The following GAS6 variants were observed in gnomAD, a reference collection of about 807,000 sequenced individuals.
The protein encoded by GAS6 is growth arrest specific 6, also known as growth arrest-specific protein 6.
A neutral mutation model predicts 75.8 loss-of-function variants in GAS6; 41 were observed. The observed-to-expected ratio is 0.54, with a 90% CI of 0.42 to 0.70. The LOEUF is 0.70. Among genes scored for constraint, GAS6 ranks in the 30% least tolerant of loss-of-function variants. The pLI, the probability that GAS6 is intolerant of heterozygous loss-of-function variation, is 0.00. For missense variants in GAS6, 854 were observed against 940.2 expected (o/e 0.91, Z 1.20); for synonymous variants, 432 against 412.6 (o/e 1.05, Z -0.57).
At chr13:113,836,724 GGGAAT>G (rs1280630578) in intron 6 of GAS6, among the ~76,000 whole-genome samples, 2 of 15,902 alleles carry the variant, frequency 1.3e-4, no homozygotes. Context: ...GGAAGAAGAG[GGGAAT>G]GAGGAGGAGG....
chr13:113,858,665 G>C (rs545631644), intron 2 of GAS6, among the ~76,000 whole-genome samples: 3 of 133,430 alleles, frequency 2.2e-5, no homozygotes, highest in South Asian at 2.7e-4. Flanking sequence ...GTACATGTCT[G>C]TGTGTGCCTA....
chr13:113,861,775 G>A (rs140074383), intron 2 of GAS6, among the ~76,000 whole-genome samples: 8 of 152,326 alleles, frequency 5.3e-5, no homozygotes, highest in Middle Eastern at 3.4e-3. Flanking sequence ...AACAGAAACA[G>A]ACAGCAAGCT....
chr13:113,824,011 C>T (rs73583237), intron 12 of GAS6, among the ~76,000 whole-genome samples: 18,780 of 145,168 alleles, frequency 0.13, 2,163 homozygotes, highest in African/African-American at 0.35. Context: ...AGATAGCATG[C>T]GGACAGGAGC....
At chr13:113,860,978 G>A (rs1325057994) in intron 2 of GAS6, among the ~76,000 whole-genome samples, 1 of 151,500 alleles carries the variant, frequency 6.6e-6, no homozygotes, top group Non-Finnish European at 1.5e-5. Flanking sequence ...AGGTGAGCAG[G>A]TGGCCAGGTG....
At chr13:113,859,332 CATT>C (rs141607381) in intron 2 of GAS6, among the ~76,000 whole-genome samples, 27,798 of 144,032 alleles carry the variant, frequency 0.19, 2,719 homozygotes, top group South Asian at 0.39. Context: ...GTGTGCATGT[CATT>C]ATGCATGTGT....
intron 4 of GAS6, chr13:113,841,616 T>C (rs1392084028): frequency 1.3e-5 from 2 of 158,042 alleles, no homozygotes; most frequent in Non-Finnish European, 2.6e-5. Context: ...CCCAGTTTCC[T>C]CCATACACCC....
Position 113,821,967 on chromosome 13 carries a change from C to T in GAS6, c.1873G>A (p.Gly625Ser), listed in dbSNP as rs1594185823. The T allele has an allele frequency of 1.3e-6, 2 of 1,533,238 alleles. No individual in the cohort carries two copies. Among genetic ancestry groups the T allele is most frequent in the Non-Finnish European group, 1.8e-6 (2 of 1,141,900 alleles). 95.0% of individuals were successfully genotyped at this position (1,533,238 alleles called of 1,614,324 possible). A position where few individuals can be genotyped will look rare whatever the true frequency, so the allele number is the denominator to read the frequency against. Reference sequence around the variant, plus strand: ...AGCAGGGAGCACCTACCTGGCAGGCCGCCAGCAAAGGTGAGCACGGGGCTC... The same window carrying T: ...AGCAGGGAGCACCTACCTGGCAGGCTGCCAGCAAAGGTGAGCACGGGGCTC... ...LRSPVLTFAG[G>S]LPDVPVTSAP... Residue 625 changes from glycine (G) to serine (S), a missense_variant, in exon 14 of 15, where the codon GGC becomes AGC. Physicochemically the swap from Gly to Ser is moderately conservative, Grantham distance 56. Transcript: ENST00000327773.
chr13:113,853,633 A>G (rs1490015398), intron 2 of GAS6, among the ~76,000 whole-genome samples: 1 of 152,240 alleles, frequency 6.6e-6, no homozygotes, highest in African/African-American at 2.4e-5. Flanking sequence ...CTGTTTATCA[A>G]CACCATAACT....
chr13:113,852,970 G>C (rs113880833), intron 2 of GAS6, among the ~76,000 whole-genome samples: 16 of 152,306 alleles, frequency 1.1e-4, no homozygotes, highest in African/African-American at 3.1e-4. Flanking sequence ...AGCACGTGAA[G>C]AGACCCTCCA....
At position 113,837,390 on chromosome 13, in the gene GAS6, G is replaced by A. The variant is rs190450842; in HGVS notation, c.589+679C>T. Among the ~76,000 whole-genome samples, 17 of 152,230 alleles carry A rather than the reference G, an allele frequency of 1.1e-4. No homozygotes were observed. Among genetic ancestry groups the A allele is most frequent in the Admixed American group, 1.1e-3 (17 of 15,298 alleles). On this transcript the variant is annotated intron_variant, in intron 6 of 14. Transcript: ENST00000327773. This position sits in a 1 kb window ranked among gnomAD's most constrained non-coding sequence, Gnocchi z 5.1. Reference sequence around the variant, plus strand: ...AGTTCGGTGTCCTGGACAGTCAGCAGCAGCGCTAAGAACTATGCCAGAAAC... The same window carrying A: ...AGTTCGGTGTCCTGGACAGTCAGCAACAGCGCTAAGAACTATGCCAGAAAC...
In GAS6 at chr13:113,833,866, G is replaced by A. The variant is rs2051662578; in HGVS notation, c.834+685C>T. 4.8e-6 allele frequency: 5 copies of A among 1,035,644 alleles called. No individual in the cohort carries two copies. In the South Asian group the frequency reaches 1.4e-4, roughly 29 times the overall value. 64.2% of individuals were successfully genotyped at this position (1,035,644 alleles called of 1,614,324 possible). A position where few individuals can be genotyped will look rare whatever the true frequency, so the allele number is the denominator to read the frequency against. On this transcript the variant is annotated intron_variant, in intron 8 of 14. Transcript: ENST00000327773. Reference sequence around the variant, plus strand: ...AGGTACTGTTGTGACAGGTCGGTGTGAGACACTGGTGTGACAAGTCAGTGT... The same window carrying A: ...AGGTACTGTTGTGACAGGTCGGTGTAAGACACTGGTGTGACAAGTCAGTGT...
intron 2 of GAS6, among the ~76,000 whole-genome samples, chr13:113,862,535 C>G (rs933639240): frequency 2.0e-5 from 3 of 152,212 alleles, no homozygotes; most frequent in African/African-American, 4.8e-5. Context: ...TGAAGGAGGG[C>G]ACGGGCCTGT....
chr13:113,863,361 G>A lies in GAS6; in HGVS notation c.255+214C>T, dbSNP rs1261134441. ...AGGCGTCTGACAGCGAGCGTTTCCC[G>A]GACAGCCCCGCAGCGTCTCACCGGC... On this transcript the variant is annotated intron_variant, in intron 2 of 14. Coordinates refer to ENST00000327773, the MANE Select transcript of GAS6 (RefSeq NM_000820.4). This position sits in a 1 kb window ranked among gnomAD's most constrained non-coding sequence, Gnocchi z 9.4. Among the ~76,000 whole-genome samples, 2 of 152,132 alleles carry A rather than the reference G, an allele frequency of 1.3e-5. No individual in the cohort carries two copies. The highest frequency in any genetic ancestry group is 6.5e-5 in the Admixed American group (1 of 15,274).
chr13:113,834,832 A>T (rs1348881772), intron 7 of GAS6, 160 bp from the exon 8 acceptor site: 1 of 675,722 alleles, frequency 1.5e-6, no homozygotes, highest in Non-Finnish European at 2.1e-6. Flanking sequence ...CCCCCACTGG[A>T]AAGCTAGGTT....
rs2051464896 is a variant in GAS6 at position 113,821,954 on chromosome 13, C to T, written c.1882+4G>A. 2.0e-6 allele frequency: 3 copies of T among 1,526,406 alleles called. No homozygotes were observed. In the African/African-American group the frequency reaches 4.1e-5, roughly 21 times the overall value. The allele number at this position is 1,526,406 out of a possible 1,614,324, so 94.6% of individuals were successfully genotyped here. Reference sequence around the variant, plus strand: ...CCGGGTTGAGCGGAGCAGGGAGCACCTACCTGGCAGGCCGCCAGCAAAGGT... The same window carrying T: ...CCGGGTTGAGCGGAGCAGGGAGCACTTACCTGGCAGGCCGCCAGCAAAGGT... On this transcript the variant is annotated splice_donor_region_variant and intron_variant, in intron 14 of 14. Coordinates refer to ENST00000327773, the MANE Select transcript of GAS6 (RefSeq NM_000820.4).
At chr13:113,856,115 G>C (rs1295784595) in intron 2 of GAS6, among the ~76,000 whole-genome samples, 1 of 152,152 alleles carries the variant, frequency 6.6e-6, no homozygotes, top group Non-Finnish European at 1.5e-5. Context: ...CCAGCATGAC[G>C]CACCTGGCAG....
Position 113,832,379 on chromosome 13 carries a change from G to T in GAS6, c.1063C>A (p.Leu355Met), listed in dbSNP as rs773471138. The T allele has an allele frequency of 5.0e-6, 8 of 1,611,084 alleles. No homozygotes were observed. The highest frequency in any genetic ancestry group is 5.9e-6 in the Non-Finnish European group (7 of 1,179,908). Reference protein sequence around the residue: ...WIVLALRAGRLELQLRYNGVG... With the variant: ...WIVLALRAGRMELQLRYNGVG... ...CCGTTGTAGCGCAGCTGCAGCTCCA[G>T]CCGGCCGGCTCTCAGGGCCAGCACG... Residue 355 changes from leucine to methionine, a missense_variant, in exon 10 of 15, where the codon CTG becomes ATG. Coordinates refer to ENST00000327773, the MANE Select transcript of GAS6 (RefSeq NM_000820.4).
In GAS6 at chr13:113,832,556, C is replaced by T. The variant is rs567124992; in HGVS notation, c.954-68G>A. ...AGATGCCCGGCCCCTCCCTGCTGGC[C>T]GAACCCTGGCCCGGGCCCTGTGAAG... is the stretch of plus-strand genomic sequence containing the variant. On this transcript the variant is annotated intron_variant, in intron 9 of 14. Coordinates refer to ENST00000327773, the MANE Select transcript of GAS6 (RefSeq NM_000820.4). The T allele has an allele frequency of 2.9e-4, 463 of 1,599,796 alleles. 5 individuals carry two copies. In the East Asian group the frequency reaches 6.7e-3, roughly 23 times the overall value.
rs1031859178 is a variant in GAS6, at chr13:113,837,529, G to A, written c.589+540C>T. On this transcript the variant is annotated intron_variant, in intron 6 of 14. Coordinates refer to ENST00000327773, the MANE Select transcript of GAS6 (RefSeq NM_000820.4). This position sits in a 1 kb window ranked among gnomAD's most constrained non-coding sequence, Gnocchi z 5.1. Reference sequence around the variant, plus strand: ...CAGCAGCAGCACCTGGAACAGCGTCGGGGGCGCGCACATTCACAGTGACTT... The same window carrying A: ...CAGCAGCAGCACCTGGAACAGCGTCAGGGGCGCGCACATTCACAGTGACTT... Among the ~76,000 whole-genome samples the A allele has an allele frequency of 3.9e-5, 6 of 152,242 alleles. No individual in the cohort carries two copies. In the East Asian group the frequency reaches 5.8e-4, roughly 15 times the overall value.
Sources: gnomAD v4.1 joint callset for allele counts (sites outside exome capture counted in the v4.1 genomes callset) on GRCh38, gnomAD v4.1.1 for gene constraint, Gnocchi (gnomAD v3.1) non-coding constraint, MANE v1.5 for transcripts, NCBI Gene and HGNC (gene_info 2026-07-23, HGNC 2026-07-21) for gene names.